Variants in PRLR observed in about 807,000 individuals in gnomAD.
PRLR encodes the protein prolactin receptor.
PRLR carries 13 observed loss-of-function variants against 40.2 expected under a neutral mutation model. The ratio of observed to expected loss-of-function variants is 0.32; its 90% CI spans 0.21 to 0.51. PRLR has a LOEUF of 0.51. PRLR is among the 20% of genes least tolerant of loss of function. PRLR has a pLI of 0.97. For missense variants in PRLR, 656 were observed against 747.3 expected, an observed-to-expected ratio of 0.88 and a Z score of 1.42; for synonymous variants, 269 against 278.7, an observed-to-expected ratio of 0.97 and a Z score of 0.35.
intron 1 of PRLR, among the ~76,000 whole-genome samples, chr5:35,153,710 A>G (rs1271023160): frequency 1.5e-5 from 2 of 134,628 alleles, no homozygotes; most frequent in African/African-American, 2.8e-5. Flanking sequence ...ACTGTTCCCC[A>G]CCATTGTACA....
intron 1 of PRLR, among the ~76,000 whole-genome samples, chr5:35,228,709 G>A (rs74551286): frequency 0.019 from 2,933 of 152,234 alleles, 99 homozygotes; most frequent in African/African-American, 0.068. Context: ...TCAGAGGCTG[G>A]TAGAGCTCTG....
At chr5:35,077,265 G>A (rs1280232313) in intron 5 of PRLR, among the ~76,000 whole-genome samples, 3 of 152,150 alleles carry the variant, frequency 2.0e-5, no homozygotes, top group African/African-American at 7.2e-5. Flanking sequence ...TGGATAAAGA[G>A]TTAAGACCCA....
Position 35,203,951 on chromosome 5 carries a change from T to C in PRLR, c.-106+26317A>G, listed in dbSNP as rs147563361. On this transcript the variant is annotated intron_variant, in intron 1 of 9. Transcript: ENST00000618457. ...CGGATTGATTTTTTGAGGGTCACAG[T>C]AGTCACCAAAAAACAAAAACAAAAA... is the stretch of plus-strand genomic sequence containing the variant. Among the ~76,000 whole-genome samples, 16 of 152,146 alleles carry C rather than the reference T, an allele frequency of 1.1e-4. No individual in the cohort carries two copies. The East Asian group carries it at 3.1e-3, about 29-fold the overall frequency.
intron 2 of PRLR, among the ~76,000 whole-genome samples, chr5:35,093,878 G>C (rs1771372093): frequency 6.6e-6 from 1 of 152,192 alleles, no homozygotes; most frequent in Non-Finnish European, 1.5e-5. Context: ...ATTGCCTACA[G>C]TATTCAGTTC....
At chr5:35,108,916 C>T (rs999090501) in intron 2 of PRLR, among the ~76,000 whole-genome samples, 51 of 152,314 alleles carry the variant, frequency 3.3e-4, no homozygotes, top group African/African-American at 1.2e-3. Context: ...CAAGACAATC[C>T]TAAGCCAAAA....
intron 2 of PRLR, among the ~76,000 whole-genome samples, chr5:35,100,276 A>G (rs1351864558): frequency 6.6e-6 from 1 of 152,176 alleles, no homozygotes; most frequent in Non-Finnish European, 1.5e-5. Flanking sequence ...TGAAGAAAAA[A>G]ATTTAAAAAA....
At chr5:35,147,272 A>G (rs1774208570) in intron 1 of PRLR, among the ~76,000 whole-genome samples, 1 of 152,218 alleles carries the variant, frequency 6.6e-6, no homozygotes, top group Non-Finnish European at 1.5e-5. Context: ...ATACTCTAGT[A>G]TCATTGCTTC....
At chr5:35,173,503 A>G (rs979337062) in intron 1 of PRLR, among the ~76,000 whole-genome samples, 3 of 152,212 alleles carry the variant, frequency 2.0e-5, no homozygotes, top group African/African-American at 7.2e-5. Flanking sequence ...AGAATCATTT[A>G]GCAGCTCAAG....
At chr5:35,138,853 G>A (rs1290010794) in intron 1 of PRLR, among the ~76,000 whole-genome samples, 1 of 151,724 alleles carries the variant, frequency 6.6e-6, no homozygotes, top group East Asian at 1.9e-4. Context: ...TTACTACCAA[G>A]AAAAAAAATC....
At chr5:35,100,961 T>C (rs1231184479) in intron 2 of PRLR, among the ~76,000 whole-genome samples, 2 of 152,200 alleles carry the variant, frequency 1.3e-5, no homozygotes, top group Non-Finnish European at 2.9e-5. Flanking sequence ...CTGGGTGTTA[T>C]AATGGCTAGC....
chr5:35,079,291 T>A (rs1341443525), intron 5 of PRLR, among the ~76,000 whole-genome samples: 1 of 152,188 alleles, frequency 6.6e-6, no homozygotes, highest in Non-Finnish European at 1.5e-5. Context: ...GATGACATGA[T>A]TGTACGTTTA....
chr5:35,095,337 G>T (rs1360254084), intron 2 of PRLR, among the ~76,000 whole-genome samples: 1 of 152,180 alleles, frequency 6.6e-6, no homozygotes, highest in Non-Finnish European at 1.5e-5. Flanking sequence ...AACAGAAAAA[G>T]ATTCTAAGAC....
chr5:35,190,666 T>C (rs189233641), intron 1 of PRLR, among the ~76,000 whole-genome samples: 2 of 152,268 alleles, frequency 1.3e-5, no homozygotes, highest in East Asian at 3.9e-4. Flanking sequence ...GCTTTTTCGT[T>C]GAAACAATTT....
At chr5:35,067,987 C>T (rs1404018387) in intron 9 of PRLR, among the ~76,000 whole-genome samples, 2 of 152,034 alleles carry the variant, frequency 1.3e-5, no homozygotes, top group Non-Finnish European at 2.9e-5. Context: ...AAATGTGTTT[C>T]CATGTTTTCT....
intron 1 of PRLR, among the ~76,000 whole-genome samples, chr5:35,129,545 A>C (rs1304897592): frequency 6.6e-6 from 1 of 152,188 alleles, no homozygotes; most frequent in Non-Finnish European, 1.5e-5. Flanking sequence ...GTTGAAACTT[A>C]ACTGGTCTCA....
intron 9 of PRLR, among the ~76,000 whole-genome samples, chr5:35,066,529 G>A (rs919318513): frequency 6.6e-6 from 1 of 151,912 alleles, no homozygotes; most frequent in Non-Finnish European, 1.5e-5. Context: ...GTGGATTCTT[G>A]TCTTTTCCTT....
intron 2 of PRLR, among the ~76,000 whole-genome samples, chr5:35,114,625 T>C (rs1772898299): frequency 6.6e-6 from 1 of 152,206 alleles, no homozygotes; most frequent in African/African-American, 2.4e-5. Flanking sequence ...GGAGACTGCC[T>C]GGCTCCTTGT....
At chr5:35,142,077 G>GTACA (rs931350904) in intron 1 of PRLR, among the ~76,000 whole-genome samples, 1 of 152,210 alleles carries the variant, frequency 6.6e-6, no homozygotes, top group African/African-American at 2.4e-5. Flanking sequence ...AAATGTTTAA[G>GTACA]TACAAGTGAC....
At chr5:35,128,254 T>A (rs368078046) in intron 1 of PRLR, among the ~76,000 whole-genome samples, 1 of 151,026 alleles carries the variant, frequency 6.6e-6, no homozygotes, top group African/African-American at 2.4e-5. Context: ...ATTGGTTATA[T>A]GCAAATACTA....
Sources: allele counts gnomAD v4.1 joint callset (sites outside exome capture counted in the v4.1 genomes callset), GRCh38; gene constraint gnomAD v4.1.1; transcripts MANE v1.5; gene names NCBI Gene and HGNC (gene_info 2026-07-23, HGNC 2026-07-21).